The following MPDZ variants were observed in gnomAD, a reference collection of about 807,000 sequenced individuals.
MPDZ encodes multiple PDZ domain crumbs cell polarity complex component, also known as multiple PDZ domain protein.
A neutral mutation model predicts 239.1 loss-of-function variants in MPDZ; 234 were observed. The ratio of observed to expected loss-of-function variants is 0.98; its 90% CI spans 0.88 to 1.09. MPDZ has a LOEUF of 1.09. Ranked by LOEUF, MPDZ falls within the 50% of genes least tolerant of loss-of-function variation. The pLI is 0.00. For missense variants in MPDZ, 3,175 were observed against 2,510.0 expected (o/e 1.26, Z -5.66); for synonymous variants, 1,048 against 881.3 (o/e 1.19, Z -3.35).
chr9:13,182,755 A>C (rs1953525834), intron 19 of MPDZ, among the ~76,000 whole-genome samples: 1 of 152,162 alleles, frequency 6.6e-6, no homozygotes, highest in African/African-American at 2.4e-5. Flanking sequence ...GATACATTTT[A>C]AAGTATTACT....
intron 1 of MPDZ, among the ~76,000 whole-genome samples, chr9:13,253,436 C>A (rs1452139828): frequency 6.6e-6 from 1 of 152,144 alleles, no homozygotes; most frequent in African/African-American, 2.4e-5. Context: ...GCCTGATACT[C>A]CTGTACTGAG....
chr9:13,183,676 A>G, intron 18 of MPDZ, 91 bp from the exon 19 acceptor site: 1 of 1,214,984 alleles, frequency 8.2e-7, no homozygotes, highest in Non-Finnish European at 1.2e-6. Flanking sequence ...GCAAACTGGT[A>G]TCATTCTTTT....
At chr9:13,157,931 G>GT in intron 24 of MPDZ, 87 bp downstream of exon 24, 1 of 1,102,934 alleles carries the variant, frequency 9.1e-7, no homozygotes, top group Non-Finnish European at 1.4e-6. Flanking sequence ...CAAGAAGCAA[G>GT]TTGTAATCCA....
rs142790589 is a variant in MPDZ, at chr9:13,178,248, G to C, written c.2650-1831C>G. Among the ~76,000 whole-genome samples, 122 of 124,820 alleles carry C rather than the reference G, an allele frequency of 9.8e-4. 1 individual carries two copies. The East Asian group carries it at 0.025, about 25-fold the overall frequency. The allele number at this position is 124,820 out of a possible 152,430, so 81.9% of individuals were successfully genotyped here. A position where few individuals can be genotyped will look rare whatever the true frequency, so the allele number is the denominator to read the frequency against. On this transcript the variant is annotated intron_variant, in intron 19 of 46. Transcript: ENST00000319217. Reference sequence around the variant, plus strand: ...CACTCCAGCCTGGGTAACAGAGCGAGACTGCATCTCAAAAAAAAAAAAAAA... The same window carrying C: ...CACTCCAGCCTGGGTAACAGAGCGACACTGCATCTCAAAAAAAAAAAAAAA...
At position 13,119,630 on chromosome 9, in the gene MPDZ, C is replaced by A; in HGVS notation, c.5251G>T (p.Val1751Leu). ...ATTCCTCCTTTGACAATGTCTGACA[C>A]AAATACTCCAGTATCGTTTCTACAC... ...VGKRNDTGVFVSDIVKGGIAD... is the reference protein window; with the variant it reads ...VGKRNDTGVFLSDIVKGGIAD... Residue 1751 changes from valine to leucine, a missense_variant, in exon 39 of 47, where the codon GTG becomes TTG. Physicochemically the swap from Val to Leu is conservative, Grantham distance 32 (BLOSUM62 1). Coordinates refer to ENST00000319217, the MANE Select transcript of MPDZ (RefSeq NM_001378778.1). 1.2e-6 allele frequency: 2 copies of A among 1,613,952 alleles called. No homozygotes were observed. Among genetic ancestry groups the A allele is most frequent in the South Asian group, 2.2e-5 (2 of 91,076 alleles).
At chr9:13,118,594 T>C (rs566668250) in intron 39 of MPDZ, among the ~76,000 whole-genome samples, 1 of 152,188 alleles carries the variant, frequency 6.6e-6, no homozygotes, top group African/African-American at 2.4e-5. Flanking sequence ...TGTTGAATTA[T>C]ATTTCTTCAG....
At chr9:13,122,724 A>T (rs1479145303) in intron 36 of MPDZ, among the ~76,000 whole-genome samples, 2 of 151,892 alleles carry the variant, frequency 1.3e-5, no homozygotes, top group African/African-American at 4.8e-5. Flanking sequence ...GCCATGTTGA[A>T]CAGGCTGATC....
rs575483322 is a variant in MPDZ at position 13,146,504 on chromosome 9, G to A, written c.3741+1044C>T. 4.6e-5 allele frequency among the ~76,000 whole-genome samples: 7 copies of A among 152,058 alleles called. No individual in the cohort carries two copies. The South Asian group carries it at 1.2e-3, about 27-fold the overall frequency. ...AAATATTTTAAGTTTTAGACGATGC[G>A]TTCAACTTCCCTCACATATGTTGAT... On this transcript the variant is annotated intron_variant, in intron 26 of 46. Transcript: ENST00000319217.
chr9:13,178,777 C>A (rs1952862623), intron 19 of MPDZ, among the ~76,000 whole-genome samples: 1 of 152,156 alleles, frequency 6.6e-6, no homozygotes, highest in Admixed American at 6.5e-5. Flanking sequence ...CAGTCTGTCA[C>A]TTGTCTTTTA....
Position 13,216,769 on chromosome 9 carries a change from C to T in MPDZ, c.1290+5G>A. 2 of 1,590,342 alleles carry T rather than the reference C, an allele frequency of 1.3e-6. No homozygotes were observed. Among genetic ancestry groups the T allele is most frequent in the Non-Finnish European group, 1.7e-6 (2 of 1,161,392 alleles). On this transcript the variant is annotated splice_donor_5th_base_variant and intron_variant, in intron 10 of 46. Coordinates refer to ENST00000319217, the MANE Select transcript of MPDZ (RefSeq NM_001378778.1). ...AACAAAGCTATTGTTAAATGTGTAA[C>T]TTACTGCTATAATTTGGTCTCCAAT...
intron 1 of MPDZ, among the ~76,000 whole-genome samples, chr9:13,253,901 C>T (rs1185661671): frequency 6.6e-6 from 1 of 152,162 alleles, no homozygotes; most frequent in African/African-American, 2.4e-5. Flanking sequence ...TCCTTTAATA[C>T]TTACACAATC....
At chr9:13,116,475 T>C (rs59319152) in intron 39 of MPDZ, among the ~76,000 whole-genome samples, 3,405 of 152,280 alleles carry the variant, frequency 0.022, 145 homozygotes, top group African/African-American at 0.078. Context: ...AAGGGATGTG[T>C]TATTCTGAAG....
rs1173626655 is a variant in MPDZ at position 13,279,657 on chromosome 9, CG to C, written c.-316del. 1.3e-5 allele frequency: 2 copies of C among 150,296 alleles called. No homozygotes were observed. The highest frequency in any genetic ancestry group is 6.6e-5 in the Admixed American group (1 of 15,074). 9.3% of individuals were successfully genotyped at this position (150,296 alleles called of 1,614,324 possible). A position where few individuals can be genotyped will look rare whatever the true frequency, so the allele number is the denominator to read the frequency against. Reference sequence around the variant, plus strand: ...CAGCGCGCGCCGCACTTGCGCCGACCGGGGCTGCCGCGGAGGCGGTGGCGGG... The same window carrying C: ...CAGCGCGCGCCGCACTTGCGCCGACCGGGCTGCCGCGGAGGCGGTGGCGGG... On this transcript the variant is annotated 5_prime_UTR_variant, in exon 1 of 47. Transcript: ENST00000319217.
At chr9:13,109,382 T>C (rs1180791151) in intron 45 of MPDZ, among the ~76,000 whole-genome samples, 1 of 152,190 alleles carries the variant, frequency 6.6e-6, no homozygotes, top group East Asian at 1.9e-4. Context: ...GTGAGAGGGC[T>C]AAAGTTCAGG....
chr9:13,201,252 T>TG (rs1956353529), intron 12 of MPDZ, among the ~76,000 whole-genome samples: 1 of 152,098 alleles, frequency 6.6e-6, no homozygotes, highest in Non-Finnish European at 1.5e-5. Flanking sequence ...TCATTTTTGT[T>TG]CCCATTTGCA....
chr9:13,161,403 C>A (rs956127600), intron 23 of MPDZ, among the ~76,000 whole-genome samples: 1 of 152,020 alleles, frequency 6.6e-6, no homozygotes, highest in Admixed American at 6.6e-5. Flanking sequence ...AACCTCATCT[C>A]TACTAAAAGT....
chr9:13,229,132 T>A (rs764928907), intron 3 of MPDZ, among the ~76,000 whole-genome samples: 2 of 152,128 alleles, frequency 1.3e-5, no homozygotes, highest in African/African-American at 4.8e-5. Flanking sequence ...TCACTCTGTG[T>A]GAATAACTGT....
intron 25 of MPDZ, among the ~76,000 whole-genome samples, chr9:13,149,206 C>T (rs1948830604): frequency 6.6e-6 from 1 of 151,866 alleles, no homozygotes; most frequent in Non-Finnish European, 1.5e-5. Context: ...AAAAAAAGGA[C>T]ATGGTCCCTG....
rs1400815671 is a variant in MPDZ, at chr9:13,107,238, T to C, written c.6067-127A>G. 4.0e-6 allele frequency: 4 copies of C among 996,446 alleles called. No individual in the cohort carries two copies. The East Asian group carries it at 7.3e-5, about 18-fold the overall frequency. 61.7% of individuals were successfully genotyped at this position (996,446 alleles called of 1,614,324 possible). On this transcript the variant is annotated intron_variant, in intron 46 of 46. Coordinates refer to ENST00000319217, the MANE Select transcript of MPDZ (RefSeq NM_001378778.1). ...CACACACACTGCTCCCAGTGCTCCA[T>C]GGGTGCTCTAAGCCATTAAGCAATG...
Sources: gnomAD v4.1 joint callset for allele counts (sites outside exome capture counted in the v4.1 genomes callset) on GRCh38, gnomAD v4.1.1 for gene constraint, MANE v1.5 for transcripts, NCBI Gene and HGNC (gene_info 2026-07-23, HGNC 2026-07-21) for gene names.